The following ZNF248 variants were observed in gnomAD, a reference collection of about 807,000 sequenced individuals.
ZNF248 encodes the protein KRAB protein domain.
ZNF248 carries 20 observed loss-of-function variants against 44.3 expected under a neutral mutation model. The observed-to-expected ratio is 0.45, with a 90% confidence interval of 0.32 to 0.66. ZNF248 has a LOEUF of 0.66. ZNF248 is among the 30% of genes least tolerant of loss of function. The pLI, the probability that ZNF248 is intolerant of heterozygous loss-of-function variation, is 0.04. For synonymous variants in ZNF248, 224 were observed against 229.0 expected (o/e 0.98, Z 0.20); for missense variants, 654 against 677.0 (o/e 0.97, Z 0.38).
intron 6 of ZNF248, among the ~76,000 whole-genome samples, chr10:37,805,268 T>TTA (rs745767847): frequency 2.8e-4 from 42 of 152,166 alleles, no homozygotes; most frequent in Non-Finnish European, 4.7e-4. Flanking sequence ...ACTACTGAGT[T>TTA]GCCAGTGTAA....
rs373147502 is a variant in ZNF248, at chr10:37,801,998, G to T, written c.331-25423C>A. On this transcript the variant is annotated intron_variant, in intron 6 of 6. Transcript: ENST00000615949. ...AGATCAGAGGATTTTTGATGAGAAA[G>T]ATCAAAAATCTGCAGCTCAGCTTCG... Among the ~76,000 whole-genome samples, 9 of 152,280 alleles carry T rather than the reference G, an allele frequency of 5.9e-5. No individual in the cohort carries two copies. The East Asian group carries it at 1.5e-3, about 26-fold the overall frequency.
Position 37,831,138 on chromosome 10 carries a change from T to A in ZNF248, c.*477A>T. 6.8e-7 allele frequency: 1 copy of A among 1,462,376 alleles called. No individual in the cohort carries two copies. Among genetic ancestry groups the A allele is most frequent in the Non-Finnish European group, 9.0e-7 (1 of 1,105,872 alleles). The allele number at this position is 1,462,376 out of a possible 1,614,324, so 90.6% of individuals were successfully genotyped here. A position where few individuals can be genotyped will look rare whatever the true frequency, so the allele number is the denominator to read the frequency against. On this transcript the variant is annotated 3_prime_UTR_variant, in exon 6 of 6. Coordinates refer to ENST00000395867, the MANE Select transcript of ZNF248 (RefSeq NM_021045.3). ...AAATATTAACAAATACCATAGTAGT[T>A]ACTCAATTAAGGGTACGTATCTTCT...
chr10:37,763,722 A>G, the ZNF248 span, among the ~76,000 whole-genome samples: 2 of 152,230 alleles, frequency 1.3e-5, no homozygotes, highest in South Asian at 4.1e-4. Context: ...CCCTGAACAG[A>G]GGGACCGGCT....
chr10:37,820,573 AG>A, intron 6 of ZNF248: 1 of 1,600,836 alleles, frequency 6.2e-7, no homozygotes, highest in Middle Eastern at 1.7e-4. Context: ...CGCTTCCCCC[AG>A]CAAACTCAAA....
At position 37,831,477 on chromosome 10, in the gene ZNF248, T is replaced by C; in HGVS notation, c.*138A>G. The C allele has an allele frequency of 6.9e-7, 1 of 1,458,388 alleles. No individual in the cohort carries two copies. The highest frequency in any genetic ancestry group is 1.5e-5 in the South Asian group (1 of 67,010). The allele number at this position is 1,458,388 out of a possible 1,614,324, so 90.3% of individuals were successfully genotyped here. A position where few individuals can be genotyped will look rare whatever the true frequency, so the allele number is the denominator to read the frequency against. Reference sequence around the variant, plus strand: ...CAGTACAAATTTTCTAATGAAAAGTTTTAATTTTTCTTGAAAGCTTTTACA... The same window carrying C: ...CAGTACAAATTTTCTAATGAAAAGTCTTAATTTTTCTTGAAAGCTTTTACA... On this transcript the variant is annotated 3_prime_UTR_variant, in exon 6 of 6. Transcript: ENST00000395867.
downstream of ZNF248, chr10:37,776,455 C>T (rs958792644): frequency 5.0e-6 from 2 of 396,910 alleles, no homozygotes; most frequent in Non-Finnish European, 8.9e-6. Flanking sequence ...TGACTTTGCT[C>T]TGAAGTTGGG....
intron 6 of ZNF248, among the ~76,000 whole-genome samples, chr10:37,788,568 C>T (rs968100195): frequency 6.6e-6 from 1 of 152,104 alleles, no homozygotes; most frequent in Non-Finnish European, 1.5e-5. Context: ...TTGCAGTGAG[C>T]CATGAAGCCA....
At chr10:37,790,643 G>A (rs2048398100) in intron 6 of ZNF248, among the ~76,000 whole-genome samples, 1 of 152,004 alleles carries the variant, frequency 6.6e-6, no homozygotes, top group Non-Finnish European at 1.5e-5. Context: ...CTGGGAGGCA[G>A]TGGTTGCAGT....
chr10:37,824,672 AATTTTTTTTT>A (rs2054065311), downstream of ZNF248, among the ~76,000 whole-genome samples: 1 of 61,302 alleles, frequency 1.6e-5, no homozygotes, highest in African/African-American at 6.8e-5. Flanking sequence ...AATTATTTTA[AATTTTTTTTT>A]TTTTTTTTTT....
At chr10:37,801,291 C>T (rs2049792933) in intron 6 of ZNF248, among the ~76,000 whole-genome samples, 1 of 151,612 alleles carries the variant, frequency 6.6e-6, no homozygotes, top group South Asian at 2.1e-4. Context: ...CACGAGAATC[C>T]CTTGAACCCA....
At chr10:37,784,884 A>G (rs2047705895) in intron 6 of ZNF248, among the ~76,000 whole-genome samples, 1 of 152,174 alleles carries the variant, frequency 6.6e-6, no homozygotes, top group Admixed American at 6.5e-5. Flanking sequence ...AAAAACACCT[A>G]TGTCAGCATT....
In ZNF248 at chr10:37,829,422, G is replaced by C. The variant is rs1208728; in HGVS notation, c.*2193C>G. Reference sequence around the variant, plus strand: ...GAAAGAACCATGGCTGATACAAACAGCCATCCCTATATTAACTTGTGAAAA... The same window carrying C: ...GAAAGAACCATGGCTGATACAAACACCCATCCCTATATTAACTTGTGAAAA... On this transcript the variant is annotated 3_prime_UTR_variant, in exon 6 of 6. Transcript: ENST00000395867. 0.079 allele frequency: 77,548 copies of C among 985,242 alleles called. 3,256 individuals are homozygous for C. The highest frequency in any genetic ancestry group is 0.086 in the Non-Finnish European group (71,489 of 829,834). The allele number at this position is 985,242 out of a possible 1,614,324, so 61.0% of individuals were successfully genotyped here.
At chr10:37,818,590 C>G in intron 6 of ZNF248, 1 of 428,700 alleles carries the variant, frequency 2.3e-6, no homozygotes, top group South Asian at 2.4e-5. Context: ...AGTTTGTGGC[C>G]TTGGAGTCAG....
chr10:37,810,360 G>C (rs1362551650), intron 6 of ZNF248, among the ~76,000 whole-genome samples: 1 of 151,970 alleles, frequency 6.6e-6, no homozygotes, highest in Non-Finnish European at 1.5e-5. Flanking sequence ...TATCTTATTA[G>C]GTGCATAAAT....
the ZNF248 span, among the ~76,000 whole-genome samples, chr10:37,761,715 T>C: frequency 2.0e-5 from 3 of 152,192 alleles, no homozygotes; most frequent in East Asian, 5.8e-4. Flanking sequence ...CCTAAGAGCA[T>C]ATTCTCCCCA....
intron 6 of ZNF248, among the ~76,000 whole-genome samples, chr10:37,822,669 T>C (rs1018579401): frequency 1.3e-5 from 2 of 152,122 alleles, no homozygotes; most frequent in Non-Finnish European, 2.9e-5. Flanking sequence ...TCCAATCTTT[T>C]GTCTTCCGTG....
In ZNF248 at chr10:37,830,125, A is replaced by T; in HGVS notation, c.*1490T>A. The T allele has an allele frequency of 1.0e-6, 1 of 985,398 alleles. No homozygotes were observed. Among genetic ancestry groups the T allele is most frequent in the South Asian group, 4.7e-5 (1 of 21,280 alleles). The allele number at this position is 985,398 out of a possible 1,614,324, so 61.0% of individuals were successfully genotyped here. Reference sequence around the variant, plus strand: ...GTGCCCAAACAGATACACAATGAAAAATCAAGGATATCAAAAGGGCCTTTC... The same window carrying T: ...GTGCCCAAACAGATACACAATGAAATATCAAGGATATCAAAAGGGCCTTTC... On this transcript the variant is annotated 3_prime_UTR_variant, in exon 6 of 6. Coordinates refer to ENST00000395867, the MANE Select transcript of ZNF248 (RefSeq NM_021045.3).
At chr10:37,793,607 G>A (rs899834546) in intron 6 of ZNF248, among the ~76,000 whole-genome samples, 1 of 152,046 alleles carries the variant, frequency 6.6e-6, no homozygotes, top group Non-Finnish European at 1.5e-5. Context: ...TATATTAAGG[G>A]CAAATATATT....
At chr10:37,819,293 A>G (rs1487137630) in intron 6 of ZNF248, 9 of 967,446 alleles carry the variant, frequency 9.3e-6, no homozygotes, top group Non-Finnish European at 1.5e-5. Context: ...GTATTCTAAC[A>G]CTGTACAAAA....
Sources: allele counts gnomAD v4.1 joint callset (sites outside exome capture counted in the v4.1 genomes callset), GRCh38; gene constraint gnomAD v4.1.1; transcripts MANE v1.5; gene names NCBI Gene and HGNC (gene_info 2026-07-23, HGNC 2026-07-21).